The following RBFOX1 variants were observed in gnomAD, a reference collection of about 807,000 sequenced individuals.
RBFOX1 encodes RNA binding protein fox-1 homolog 1.
A neutral mutation model predicts 57.7 loss-of-function variants in RBFOX1; 8 were observed. That is an observed-to-expected ratio of 0.14 (90% CI 0.08 to 0.25). The LOEUF (loss-of-function observed/expected upper bound fraction) is 0.25. Ranked by LOEUF, RBFOX1 falls within the 10% of genes least tolerant of loss-of-function variation. The pLI, the probability that RBFOX1 is intolerant of heterozygous loss-of-function variation, is 1.00. For synonymous variants in RBFOX1, 326 were observed against 222.4 expected (o/e 1.47, Z -4.15); for missense variants, 611 against 548.5 (o/e 1.11, Z -1.14).
chr16:5,609,143 A>C (rs2151237723), intron 3 of RBFOX1, among the ~76,000 whole-genome samples: 1 of 152,270 alleles, frequency 6.6e-6, no homozygotes, highest in African/African-American at 2.4e-5. Context: ...GGGAGGGGAG[A>C]GGGCTCTGTG....
At chr16:5,296,257 A>C (rs1343277892) in intron 1 of RBFOX1, among the ~76,000 whole-genome samples, 1 of 152,180 alleles carries the variant, frequency 6.6e-6, no homozygotes, top group Non-Finnish European at 1.5e-5. Context: ...ATCTGTGTAG[A>C]TGCATCTTTG....
Position 5,694,519 on chromosome 16 carries a change from G to A in RBFOX1, c.318+95558G>A, listed in dbSNP as rs143883823. Among the ~76,000 whole-genome samples, 653 of 152,220 alleles carry A rather than the reference G, an allele frequency of 4.3e-3. 6 individuals are homozygous for A. Among genetic ancestry groups the A allele is most frequent in the African/African-American group, 0.015 (616 of 41,548 alleles). On this transcript the variant is annotated intron_variant, in intron 3 of 19. Coordinates refer to the RBFOX1 transcript ENST00000641259. The stretch of plus-strand genomic sequence containing the variant: ...GATTTGGAGGACCAGCTGGTCTTCA[G>A]TTTTACCAAGAGCTTAATGGTACCC...
chr16:6,939,476 A>G (rs72774208), intron 3 of RBFOX1, among the ~76,000 whole-genome samples: 16,908 of 150,236 alleles, frequency 0.11, 1,159 homozygotes, highest in East Asian at 0.17. Context: ...TGCTTTGCAC[A>G]GAATTTAAAT....
intron 2 of RBFOX1, among the ~76,000 whole-genome samples, chr16:6,469,225 G>C (rs2095119365): frequency 6.6e-6 from 1 of 152,166 alleles, no homozygotes; most frequent in South Asian, 2.1e-4. Context: ...TAGAGAAGTA[G>C]AGGGAAAATA....
intron 1 of RBFOX1, among the ~76,000 whole-genome samples, chr16:6,081,492 C>T (rs916841187): frequency 6.6e-6 from 1 of 152,124 alleles, no homozygotes; most frequent in Non-Finnish European, 1.5e-5. Context: ...CCTCCTCTTC[C>T]CCTTTTCAAT....
chr16:6,597,672 C>CA (rs1253525327), intron 2 of RBFOX1, among the ~76,000 whole-genome samples: 1 of 151,962 alleles, frequency 6.6e-6, no homozygotes, highest in Non-Finnish European at 1.5e-5. Flanking sequence ...GACTCCATCT[C>CA]AAAAAACAAA....
At chr16:5,617,824 A>G (rs1332286923) in intron 3 of RBFOX1, among the ~76,000 whole-genome samples, 4 of 152,300 alleles carry the variant, frequency 2.6e-5, no homozygotes, top group African/African-American at 9.6e-5. Flanking sequence ...TAATAGAAGA[A>G]TAGATGATGA....
chr16:6,900,578 G>C (rs538844534), intron 3 of RBFOX1, among the ~76,000 whole-genome samples: 1 of 152,112 alleles, frequency 6.6e-6, no homozygotes, highest in Non-Finnish European at 1.5e-5. Flanking sequence ...AGCCTTTTTA[G>C]TCTTTTCCAG....
intron 1 of RBFOX1, among the ~76,000 whole-genome samples, chr16:5,365,114 G>C (rs1475361640): frequency 6.6e-6 from 1 of 152,146 alleles, no homozygotes; most frequent in Non-Finnish European, 1.5e-5. Context: ...GCTGTGGGCA[G>C]CTGGCACCCA....
chr16:6,096,049 C>G (rs913727025), intron 1 of RBFOX1, among the ~76,000 whole-genome samples: 3 of 152,210 alleles, frequency 2.0e-5, no homozygotes, highest in African/African-American at 7.2e-5. Flanking sequence ...CAATGGAAGT[C>G]TCATCATGTG....
At chr16:6,242,896 C>T (rs116526539) in intron 1 of RBFOX1, among the ~76,000 whole-genome samples, 3 of 152,024 alleles carry the variant, frequency 2.0e-5, no homozygotes, top group Non-Finnish European at 2.9e-5. Flanking sequence ...TTATCAGAGT[C>T]GTGATATATG....
At chr16:7,106,406 T>C (rs2063590340) in intron 4 of RBFOX1, among the ~76,000 whole-genome samples, 1 of 152,200 alleles carries the variant, frequency 6.6e-6, no homozygotes, top group African/African-American at 2.4e-5. Context: ...CTCTTTATTC[T>C]TCATTTTGTA....
rs182247669 is a variant in RBFOX1 at position 6,898,544 on chromosome 16, A to G, written c.-15-153513A>G. Among the ~76,000 whole-genome samples, 31 of 152,302 alleles carry G rather than the reference A, an allele frequency of 2.0e-4. 1 individual carries two copies. In the East Asian group the frequency reaches 5.2e-3, roughly 26 times the overall value. Reference sequence around the variant, plus strand: ...AAAGTACAGACGCAAAGGAAACAGAACATGGATTCTGCTGTGTTACACGGT... The same window carrying G: ...AAAGTACAGACGCAAAGGAAACAGAGCATGGATTCTGCTGTGTTACACGGT... On this transcript the variant is annotated intron_variant, in intron 3 of 15. Coordinates refer to ENST00000550418, the MANE Select transcript of RBFOX1 (RefSeq NM_018723.4).
intron 1 of RBFOX1, among the ~76,000 whole-genome samples, chr16:5,325,410 A>T (rs1305416854): frequency 6.6e-6 from 1 of 152,172 alleles, no homozygotes; most frequent in Non-Finnish European, 1.5e-5. Context: ...CAATCCAGTA[A>T]ATTTTCTACC....
chr16:5,437,504 G>A (rs888832953), intron 1 of RBFOX1, among the ~76,000 whole-genome samples: 4 of 152,168 alleles, frequency 2.6e-5, no homozygotes, highest in African/African-American at 9.7e-5. Context: ...TACCTAAAGT[G>A]AAAGCAACCT....
At chr16:7,212,690 T>TA (rs1011965493) in intron 4 of RBFOX1, among the ~76,000 whole-genome samples, 5 of 152,132 alleles carry the variant, frequency 3.3e-5, no homozygotes, top group South Asian at 2.1e-4. Context: ...AGGAATAACT[T>TA]ACGCTACATG....
rs1440218529 is a variant in RBFOX1 at position 7,301,409 on chromosome 16, T to G, written c.28-216738T>G. Among the ~76,000 whole-genome samples, 3 of 152,152 alleles carry G rather than the reference T, an allele frequency of 2.0e-5. No individual in the cohort carries two copies. In the East Asian group the frequency reaches 5.8e-4, roughly 29 times the overall value. On this transcript the variant is annotated intron_variant, in intron 4 of 15. Coordinates refer to ENST00000550418, the MANE Select transcript of RBFOX1 (RefSeq NM_018723.4). The stretch of plus-strand genomic sequence containing the variant: ...TGTGGATTTAGGTCTGGTTCTCATG[T>G]TGTACTTTGCAGATCTTCAGTGTGT...
chr16:5,834,571 A>C (rs963594065), intron 3 of RBFOX1, among the ~76,000 whole-genome samples: 4 of 143,352 alleles, frequency 2.8e-5, no homozygotes. Context: ...ATAGAAGTGC[A>C]TGTGTCATAG....
In RBFOX1 at chr16:5,626,131, C is replaced by T. The variant is rs146704979; in HGVS notation, c.318+27170C>T. 3.6e-3 allele frequency among the ~76,000 whole-genome samples: 542 copies of T among 152,324 alleles called. 1 individual carries two copies. Among genetic ancestry groups the T allele is most frequent in the Admixed American group, 6.5e-3 (100 of 15,308 alleles). On this transcript the variant is annotated intron_variant, in intron 3 of 19. Transcript: ENST00000641259. ...CTGACCTCGGGTGATCTGCCCGCCT[C>T]GGCCTCCCAAAGTGCTGGGATTACA...
Sources: allele counts gnomAD v4.1 joint callset (sites outside exome capture counted in the v4.1 genomes callset), GRCh38; gene constraint gnomAD v4.1.1; transcripts MANE v1.5; gene names NCBI Gene and HGNC (gene_info 2026-07-23, HGNC 2026-07-21).